The following PDE7A variants were observed in gnomAD, a reference collection of about 807,000 sequenced individuals.
PDE7A encodes the protein high affinity 3',5'-cyclic-AMP phosphodiesterase 7A.
A neutral mutation model predicts 64.3 loss-of-function variants in PDE7A; 39 were observed. That is an observed-to-expected ratio of 0.61 (90% confidence interval 0.47 to 0.79). The LOEUF (loss-of-function observed/expected upper bound fraction) is 0.79, where lower values mean the gene tolerates loss of function less well. Ranked by LOEUF, PDE7A falls within the 30% of genes least tolerant of loss-of-function variation. PDE7A has a pLI of 0.00. For missense variants in PDE7A, 470 were observed against 582.8 expected, an observed-to-expected ratio of 0.81 and a Z score of 1.99; for synonymous variants, 203 against 206.8, an observed-to-expected ratio of 0.98 and a Z score of 0.16.
At position 65,810,627 on chromosome 8, in the gene PDE7A, T is replaced by C. The variant is rs910419011; in HGVS notation, c.139-27784A>G. On this transcript the variant is annotated intron_variant, in intron 1 of 12. Transcript: ENST00000401827. The stretch of plus-strand genomic sequence containing the variant: ...TAAAAATCATCCTATTTTTTAAGGA[T>C]AAATTAATATTAGAATATCCACTAA... Among the ~76,000 whole-genome samples the C allele has an allele frequency of 8.5e-5, 13 of 152,298 alleles. 1 individual carries two copies. The South Asian group carries it at 2.7e-3, about 32-fold the overall frequency.
At chr8:65,732,580 C>T (rs1806946376) in intron 7 of PDE7A, among the ~76,000 whole-genome samples, 1 of 152,190 alleles carries the variant, frequency 6.6e-6, no homozygotes, top group South Asian at 2.1e-4. Context: ...TGCAGTGGCA[C>T]TATCACTACT....
chr8:65,750,476 G>C (rs1180887629), intron 3 of PDE7A, among the ~76,000 whole-genome samples: 2 of 122,728 alleles, frequency 1.6e-5, no homozygotes, highest in East Asian at 3.0e-4. Context: ...TAGAATCACT[G>C]TGTGTGTGTG....
chr8:65,766,551 C>T (rs1480345318), intron 3 of PDE7A, among the ~76,000 whole-genome samples: 1 of 152,176 alleles, frequency 6.6e-6, no homozygotes, highest in Non-Finnish European at 1.5e-5. Context: ...TGTTAGAACA[C>T]GTAGAAAGCT....
intron 1 of PDE7A, among the ~76,000 whole-genome samples, chr8:65,828,716 A>G (rs1037440452): frequency 6.6e-6 from 1 of 152,040 alleles, no homozygotes; most frequent in East Asian, 1.9e-4. Flanking sequence ...CACATATAAG[A>G]TTACTCATTT....
intron 3 of PDE7A, among the ~76,000 whole-genome samples, chr8:65,751,971 A>G (rs1479459555): frequency 6.6e-6 from 1 of 152,200 alleles, no homozygotes. Context: ...AAAGTATTCT[A>G]TCATACAGAT....
At chr8:65,773,871 T>C (rs1372063509) in intron 3 of PDE7A, among the ~76,000 whole-genome samples, 1 of 152,214 alleles carries the variant, frequency 6.6e-6, no homozygotes, top group African/African-American at 2.4e-5. Context: ...AATTCTCTTA[T>C]TTTACTAAAT....
At position 65,819,677 on chromosome 8, in the gene PDE7A, ACTT is replaced by A. The variant is rs200179918; in HGVS notation, c.138+21691_138+21693del. Among the ~76,000 whole-genome samples, 906 of 152,368 alleles carry A rather than the reference ACTT, an allele frequency of 5.9e-3. 9 individuals carry two copies. Among genetic ancestry groups the A allele is most frequent in the African/African-American group, 0.02 (846 of 41,582 alleles). ...AATTACAAAAATTATTCCATTGTAA[ACTT>A]CTTAATTCTTCCCATTGACAAAAGT... On this transcript the variant is annotated intron_variant, in intron 1 of 12. Coordinates refer to ENST00000401827, the MANE Select transcript of PDE7A (RefSeq NM_001242318.3).
rs1807052117 is a variant in PDE7A, at chr8:65,734,753, TTTC to T, written c.696+38_696+40del. ...TATGTGAAAGTAAATCAAAAGGAAT[TTTC>T]TTATGATTTTCACCTGAAATCAATG... is the stretch of plus-strand genomic sequence containing the variant. On this transcript the variant is annotated intron_variant, in intron 7 of 12. Transcript: ENST00000401827. 3.5e-6 allele frequency: 4 copies of T among 1,133,668 alleles called. No individual in the cohort carries two copies. In the Admixed American group the frequency reaches 7.1e-5, roughly 20 times the overall value. 70.2% of individuals were successfully genotyped at this position (1,133,668 alleles called of 1,614,324 possible).
intron 1 of PDE7A, among the ~76,000 whole-genome samples, chr8:65,807,332 T>C (rs945569939): frequency 6.6e-6 from 1 of 152,224 alleles, no homozygotes; most frequent in Non-Finnish European, 1.5e-5. Flanking sequence ...TTTCAGGTTA[T>C]TCACTTTAAG....
At position 65,841,495 on chromosome 8, in the gene PDE7A, T is replaced by TAC. The variant is rs1401870289; in HGVS notation, c.13_14insGT (p.Tyr5CysfsTer63). ...GTCCAGGGGCAGTACCGGCAGCTGG[T>TAC]AACACACTTCCATTGAATACGCCCG... On this transcript the variant is annotated frameshift_variant, in exon 1 of 13. Transcript: ENST00000401827. LOFTEE classifies it high-confidence loss of function. 6.5e-7 allele frequency: 1 copy of TAC among 1,541,836 alleles called. No individual in the cohort carries two copies. The highest frequency in any genetic ancestry group is 8.7e-7 in the Non-Finnish European group (1 of 1,151,456).
intron 3 of PDE7A, among the ~76,000 whole-genome samples, chr8:65,749,899 A>C (rs1807854968): frequency 6.6e-6 from 1 of 152,248 alleles, no homozygotes; most frequent in South Asian, 2.1e-4. Flanking sequence ...ATTTCAGATG[A>C]AGATATGGAC....
chr8:65,822,964 T>C (rs974006978), intron 1 of PDE7A, among the ~76,000 whole-genome samples: 1 of 152,078 alleles, frequency 6.6e-6, no homozygotes, highest in Non-Finnish European at 1.5e-5. Context: ...TATCTATCTA[T>C]ATACACAAAC....
At chr8:65,747,083 A>G (rs1191016083) in intron 4 of PDE7A, among the ~76,000 whole-genome samples, 1 of 152,226 alleles carries the variant, frequency 6.6e-6, no homozygotes, top group African/African-American at 2.4e-5. Context: ...ACAATCAACA[A>G]GTTTAACTAT....
chr8:65,771,184 C>T (rs570130817), intron 3 of PDE7A: 3 of 174,226 alleles, frequency 1.7e-5, no homozygotes, highest in Non-Finnish European at 3.7e-5. Context: ...TATCAGCTGG[C>T]TCACAGGAGA....
chr8:65,745,367 T>TAG, intron 5 of PDE7A, 40 bp downstream of exon 5: 1 of 1,139,806 alleles, frequency 8.8e-7, no homozygotes, highest in East Asian at 2.3e-5. Flanking sequence ...TGCAGTAATC[T>TAG]AGACTACATT....
intron 4 of PDE7A, among the ~76,000 whole-genome samples, chr8:65,746,629 C>T (rs1023104102): frequency 3.3e-5 from 5 of 152,104 alleles, no homozygotes; most frequent in Non-Finnish European, 7.4e-5. Context: ...TCCAAAAGTT[C>T]ACTGTTGTAT....
At chr8:65,761,097 T>C (rs1321759448) in intron 3 of PDE7A, among the ~76,000 whole-genome samples, 2 of 151,998 alleles carry the variant, frequency 1.3e-5, no homozygotes, top group East Asian at 3.8e-4. Context: ...TCTCGCCCTG[T>C]GGCGTAGGCT....
At chr8:65,729,081 G>A (rs1806725945) in intron 7 of PDE7A, among the ~76,000 whole-genome samples, 1 of 151,976 alleles carries the variant, frequency 6.6e-6, no homozygotes, top group African/African-American at 2.4e-5. Flanking sequence ...AACTTTTTAA[G>A]GTGGATTAAA....
intron 1 of PDE7A, among the ~76,000 whole-genome samples, chr8:65,799,442 T>C (rs1169109917): frequency 6.6e-6 from 1 of 152,088 alleles, no homozygotes; most frequent in Non-Finnish European, 1.5e-5. Flanking sequence ...AGGAGACTAA[T>C]ACACATTTTG....
Sources: allele counts gnomAD v4.1 joint callset (sites outside exome capture counted in the v4.1 genomes callset), GRCh38; gene constraint gnomAD v4.1.1; transcripts MANE v1.5; gene names NCBI Gene and HGNC (gene_info 2026-07-23, HGNC 2026-07-21).